Variants in TFEC observed in about 807,000 individuals in gnomAD.
TFEC encodes class E basic helix-loop-helix protein 34.
In TFEC, 31 loss-of-function variants were observed where a neutral mutation model predicts 41.6. The ratio of observed to expected loss-of-function variants is 0.74; its 90% confidence interval spans 0.56 to 1.01. The LOEUF is 1.01. Ranked by LOEUF, TFEC falls within the 50% of genes least tolerant of loss-of-function variation. The pLI, the probability that TFEC is intolerant of heterozygous loss-of-function variation, is 0.00. For synonymous variants in TFEC, 143 were observed against 140.6 expected, an observed-to-expected ratio of 1.02 and a Z score of -0.12; for missense variants, 402 against 404.1, an observed-to-expected ratio of 0.99 and a Z score of 0.04.
chr7:116,079,333 A>G (rs1299610291), intron 3 of TFEC, among the ~76,000 whole-genome samples: 1 of 152,130 alleles, frequency 6.6e-6, no homozygotes, highest in Non-Finnish European at 1.5e-5. Flanking sequence ...TAACCAGAGC[A>G]ATCAGACAAG....
chr7:116,114,695 T>C (rs1797935173), intron 1 of TFEC, among the ~76,000 whole-genome samples: 1 of 151,958 alleles, frequency 6.6e-6, no homozygotes, highest in Admixed American at 6.6e-5. Flanking sequence ...ACCTTTCTTC[T>C]GCCACCTAGA....
chr7:116,050,158 G>A (rs1370777184), intron 3 of TFEC, among the ~76,000 whole-genome samples: 5 of 151,122 alleles, frequency 3.3e-5, no homozygotes, highest in African/African-American at 7.3e-5. Context: ...ATAGAGACAC[G>A]AAAAAAAACC....
At chr7:116,064,980 T>C (rs994570000) in intron 3 of TFEC, among the ~76,000 whole-genome samples, 1 of 152,108 alleles carries the variant, frequency 6.6e-6, no homozygotes, top group Non-Finnish European at 1.5e-5. Flanking sequence ...AGATATTCTA[T>C]GAGTTAGACA....
At chr7:116,086,762 A>T (rs1391571549) in intron 3 of TFEC, among the ~76,000 whole-genome samples, 2 of 151,942 alleles carry the variant, frequency 1.3e-5, no homozygotes, top group Non-Finnish European at 2.9e-5. Context: ...CCAAGTCATG[A>T]TTTAAAACTC....
intron 3 of TFEC, among the ~76,000 whole-genome samples, chr7:116,082,752 A>T (rs1037852297): frequency 6.6e-6 from 1 of 151,962 alleles, no homozygotes; most frequent in Non-Finnish European, 1.5e-5. Context: ...TAGAGATTTC[A>T]TTATTATGTA....
intron 1 of TFEC, among the ~76,000 whole-genome samples, chr7:116,153,297 C>T (rs990112523): frequency 6.6e-6 from 1 of 152,054 alleles, no homozygotes; most frequent in Non-Finnish European, 1.5e-5. Flanking sequence ...GTTCTGTTGC[C>T]CAGACTGGAG....
At chr7:116,129,220 G>C (rs1005789039) in intron 1 of TFEC, among the ~76,000 whole-genome samples, 1 of 151,974 alleles carries the variant, frequency 6.6e-6, no homozygotes. Context: ...TCATTCTCTT[G>C]TCCCAATATC....
chr7:116,031,404 A>G (rs1046914987), upstream of TFEC, among the ~76,000 whole-genome samples: 9 of 152,086 alleles, frequency 5.9e-5, no homozygotes, highest in African/African-American at 1.7e-4. Context: ...TTTTTAAGGG[A>G]CATGAATATA....
intron 1 of TFEC, among the ~76,000 whole-genome samples, chr7:116,021,220 T>C (rs955105538): frequency 3.9e-5 from 6 of 152,252 alleles, no homozygotes; most frequent in Non-Finnish European, 8.8e-5. Context: ...GGGATTTGTT[T>C]TTGTTTTCTT....
chr7:116,129,008 T>C lies in TFEC; in HGVS notation c.-68-16970A>G, dbSNP rs192511138. On this transcript the variant is annotated intron_variant, in intron 1 of 8. Transcript: ENST00000484212. Reference sequence around the variant, plus strand: ...TCATCAACTAAACGACACGAATTATTACATTGAAAAAAAAACCAAAGTCCA... The same window carrying C: ...TCATCAACTAAACGACACGAATTATCACATTGAAAAAAAAACCAAAGTCCA... 4.0e-3 allele frequency among the ~76,000 whole-genome samples: 609 copies of C among 151,602 alleles called. 8 individuals are homozygous for C. Among genetic ancestry groups the C allele is most frequent in the Non-Finnish European group, 5.6e-3 (381 of 67,712 alleles).
intron 3 of TFEC, among the ~76,000 whole-genome samples, chr7:116,042,306 T>G (rs993235743): frequency 2.6e-5 from 4 of 152,144 alleles, no homozygotes; most frequent in South Asian, 4.1e-4. Context: ...TTGCATTGTA[T>G]ATGAAGAGAA....
chr7:116,140,390 G>C (rs972526696), intron 1 of TFEC, among the ~76,000 whole-genome samples: 1 of 152,138 alleles, frequency 6.6e-6, no homozygotes, highest in Non-Finnish European at 1.5e-5. Flanking sequence ...TAACATGCTT[G>C]AATAAATTTA....
rs1378082094 is a variant in TFEC at position 115,995,564 on chromosome 7, C to T, written c.-72-11051G>A. On this transcript the variant is annotated intron_variant, in intron 1 of 7. Transcript: ENST00000265440. ...CGAATAGAAACCTCCAGCAATCATC[C>T]TCCATGCAGGAACAACAAATTGAAC... Among the ~76,000 whole-genome samples, 6 of 152,154 alleles carry T rather than the reference C, an allele frequency of 3.9e-5. No individual in the cohort carries two copies. The East Asian group carries it at 7.7e-4, about 20-fold the overall frequency.
intron 1 of TFEC, among the ~76,000 whole-genome samples, chr7:116,027,968 C>T (rs17301900): frequency 0.18 from 26,960 of 152,048 alleles, 2,488 homozygotes; most frequent in East Asian, 0.33. Flanking sequence ...TCTTTAAGAT[C>T]ATTAGGCTCA....
At position 116,056,235 on chromosome 7, in the gene TFEC, CCTT is replaced by C. The variant is rs534907198; in HGVS notation, c.198+54470_198+54472del. ...GTAAGCTCGACAATTTTCCTACTGT[CCTT>C]AGAGACTTTCCAGACTGTGATACAA... On this transcript the variant is annotated intron_variant, in intron 3 of 8. Coordinates refer to the TFEC transcript ENST00000484212. 1.9e-4 allele frequency among the ~76,000 whole-genome samples: 29 copies of C among 151,978 alleles called. 1 individual carries two copies. In the Middle Eastern group the frequency reaches 0.014, roughly 72 times the overall value.
intron 6 of TFEC, among the ~76,000 whole-genome samples, chr7:115,944,242 T>A (rs1226777138): frequency 1.3e-5 from 2 of 151,250 alleles, no homozygotes; most frequent in Non-Finnish European, 2.9e-5. Context: ...AATAATACTT[T>A]TAACTTTCTA....
In TFEC at chr7:115,937,357, T is replaced by G. The variant is rs1337222492; in HGVS notation, c.*3194A>C. The G allele has an allele frequency of 2.0e-5, 3 of 151,760 alleles. No homozygotes were observed. The highest frequency in any genetic ancestry group is 3.0e-5 in the Non-Finnish European group (2 of 67,722). 9.4% of individuals were successfully genotyped at this position (151,760 alleles called of 1,614,324 possible). A position where few individuals can be genotyped will look rare whatever the true frequency, so the allele number is the denominator to read the frequency against. ...GCATTGTTTGATAAACATATGCCTC[T>G]TTTACTATTATGAAAAATCTCATTT... On this transcript the variant is annotated 3_prime_UTR_variant, in exon 8 of 8. Coordinates refer to ENST00000265440, the MANE Select transcript of TFEC (RefSeq NM_012252.4).
intron 1 of TFEC, among the ~76,000 whole-genome samples, chr7:115,988,994 T>A (rs1285920406): frequency 6.6e-6 from 1 of 152,130 alleles, no homozygotes; most frequent in African/African-American, 2.4e-5. Context: ...AACCTAGAAT[T>A]CTGTAGGTTG....
At chr7:115,986,873 C>A (rs576195113) in intron 1 of TFEC, among the ~76,000 whole-genome samples, 28 of 151,734 alleles carry the variant, frequency 1.8e-4, no homozygotes, top group African/African-American at 6.3e-4. Context: ...CAAACCTGCA[C>A]GTTGTGCACA....
Sources: allele counts gnomAD v4.1 joint callset (sites outside exome capture counted in the v4.1 genomes callset), GRCh38; gene constraint gnomAD v4.1.1; transcripts MANE v1.5; gene names NCBI Gene and HGNC (gene_info 2026-07-23, HGNC 2026-07-21).